Variants in P2RX6 observed in about 807,000 individuals in gnomAD.
The protein encoded by P2RX6 is P2X purinoceptor 6.
Under a neutral mutation model 54.2 loss-of-function variants are expected in P2RX6, and 62 were observed. That is an observed-to-expected ratio of 1.14 (90% CI 0.93 to 1.41). The LOEUF (loss-of-function observed/expected upper bound fraction) is 1.41, where lower values mean the gene tolerates loss of function less well. Ranked by LOEUF, P2RX6 falls within the 40% of genes most tolerant of loss-of-function variation. P2RX6 has a pLI of 0.00. For missense variants in P2RX6, 541 were observed against 566.3 expected (o/e 0.96, Z 0.45); for synonymous variants, 211 against 231.9 (o/e 0.91, Z 0.82).
In P2RX6 at chr22:21,017,862, T is replaced by G. The variant is rs1406819385; in HGVS notation, c.316-127T>G. ...CCTCCCATCTCTGCTTCAGTCTGCC[T>G]TACAGGGGGACAGGGTTAATGACTT... On this transcript the variant is annotated intron_variant, in intron 2 of 11. Transcript: ENST00000413302. 1.5e-5 allele frequency: 11 copies of G among 717,968 alleles called. No homozygotes were observed. In the Admixed American group the frequency reaches 2.0e-4, roughly 13 times the overall value. 44.5% of individuals were successfully genotyped at this position (717,968 alleles called of 1,614,324 possible).
rs996931904 is a variant in P2RX6, at chr22:21,026,028, C to T, written c.1002C>T (p.Leu334=). Residue 334 remains leucine, a synonymous_variant, in exon 10 of 12, where the codon CTC becomes CTT. Transcript: ENST00000413302. This position sits in a 1 kb window ranked among gnomAD's most constrained non-coding sequence, Gnocchi z 4.0. The stretch of plus-strand genomic sequence containing the variant: ...TCTCTCAGGCAGGGAAGTTCGGGCT[C>T]ATCCCCACGGCCGTCACACTGGGCA... ...LVTGQAGKFG[L]IPTAVTLGTG... 1.1e-5 allele frequency: 18 copies of T among 1,611,612 alleles called. No individual in the cohort carries two copies. Among genetic ancestry groups the T allele is most frequent in the Non-Finnish European group, 1.4e-5 (16 of 1,179,154 alleles).
At chr22:21,022,783 A>G in intron 4 of P2RX6, 32 bp downstream of exon 4, 2 of 1,537,656 alleles carry the variant, frequency 1.3e-6, no homozygotes, top group Admixed American at 2.0e-5. Context: ...CAGTGCCCCC[A>G]GCAGGGTGGG....
At position 21,026,748 on chromosome 22, in the gene P2RX6, CCT is replaced by C. The variant is rs1928536452; in HGVS notation, c.*132_*133del. 25 of 1,445,498 alleles carry C rather than the reference CCT, an allele frequency of 1.7e-5. No homozygotes were observed. Among genetic ancestry groups the C allele is most frequent in the Middle Eastern group, 2.6e-4 (1 of 3,916 alleles). 89.5% of individuals were successfully genotyped at this position (1,445,498 alleles called of 1,614,324 possible). A position where few individuals can be genotyped will look rare whatever the true frequency, so the allele number is the denominator to read the frequency against. ...TTGAACCCCAGCAGACAGTCCCTCCCCTGACTCCCACCTTGGTAGGGTGCTGC... is the reference window on the plus strand; with the variant it reads ...TTGAACCCCAGCAGACAGTCCCTCCCGACTCCCACCTTGGTAGGGTGCTGC... On this transcript the variant is annotated 3_prime_UTR_variant, in exon 12 of 12. Transcript: ENST00000413302. The surrounding 1 kb of genome is among the most constrained non-coding windows in gnomAD (Gnocchi z 4.0).
chr22:21,026,473 A>C lies in P2RX6; in HGVS notation c.1182A>C (p.Ala394=), dbSNP rs1928483594. Residue 394 remains alanine (A), a synonymous_variant, in exon 12 of 12, where the codon GCA becomes GCC. Transcript: ENST00000413302. This position sits in a 1 kb window ranked among gnomAD's most constrained non-coding sequence, Gnocchi z 4.0. The part of the protein sequence containing the change: ...ANSVWRELAL[A]SQARLAECLR... The stretch of plus-strand genomic sequence containing the variant: ...CTGTGTGGAGGGAGCTGGCCCTTGC[A>C]TCCCAAGCCCGACTGGCCGAGTGCC... The C allele has an allele frequency of 6.2e-7, 1 of 1,602,482 alleles. No homozygotes were observed. The highest frequency in any genetic ancestry group is 1.3e-5 in the African/African-American group (1 of 74,614).
At chr22:21,022,801 C>G (rs765095256) in intron 4 of P2RX6, 50 bp downstream of exon 4, 107 of 1,497,594 alleles carry the variant, frequency 7.1e-5, no homozygotes, top group Non-Finnish European at 9.7e-5. Flanking sequence ...GGGGGCCGGG[C>G]TGGGATCCTG....
rs140390791 is a variant in P2RX6, at chr22:21,015,955, G to A, written c.178G>A (p.Ala60Thr). The change falls in exon 2 of 12, where the codon GCC becomes ACC. Residue 60 changes from alanine (A) to threonine (T), a missense_variant. By Grantham distance (58) the Ala-to-Thr change is moderately conservative. This residue lies in a region of P2RX6 where 526 missense variants were observed against 531.5 expected (regional missense o/e 0.99). Transcript: ENST00000413302. ...TCTCCTCCCCAGGTGGGCTCTCCTCGCCAAAAAAGGCTACCAGGAGCGGGA... is the reference window on the plus strand; with the variant it reads ...TCTCCTCCCCAGGTGGGCTCTCCTCACCAAAAAAGGCTACCAGGAGCGGGA... ...VVYVVGWALL[A>T]KKGYQERDLE... 393 of 1,549,640 alleles carry A rather than the reference G, an allele frequency of 2.5e-4. 1 individual carries two copies. The African/African-American group carries it at 4.4e-3, about 17-fold the overall frequency.
intron 3 of P2RX6, among the ~76,000 whole-genome samples, chr22:21,020,641 A>G (rs1397536745): frequency 2.9e-5 from 4 of 137,284 alleles, no homozygotes; most frequent in African/African-American, 8.5e-5. Flanking sequence ...CCCAGGCTGG[A>G]GTGCAGTGGC....
intron 8 of P2RX6, 61 bp from the exon 9 acceptor site, chr22:21,025,743 AG>A (rs1212845594): frequency 7.8e-7 from 1 of 1,285,392 alleles, no homozygotes; most frequent in Non-Finnish European, 1.1e-6. Context: ...GAGGTCTGGC[AG>A]GGCCAGCCCC....
chr22:21,020,067 A>C (rs1601759381), intron 3 of P2RX6, among the ~76,000 whole-genome samples: 1 of 152,262 alleles, frequency 6.6e-6, no homozygotes, highest in East Asian at 1.9e-4. Flanking sequence ...TCTTCCCAAC[A>C]TGAGCCACTG....
At chr22:21,023,785 A>G (rs1927915428) in intron 8 of P2RX6, among the ~76,000 whole-genome samples, 167 bp downstream of exon 8, 2 of 152,070 alleles carry the variant, frequency 1.3e-5, no homozygotes, top group Admixed American at 1.3e-4. Flanking sequence ...CCTCCAGCAC[A>G]GGCTCCGTCC....
intron 3 of P2RX6, chr22:21,018,427 T>C (rs1043900739): frequency 2.7e-5 from 9 of 337,650 alleles, no homozygotes; most frequent in Non-Finnish European, 5.2e-5. Context: ...AGGTTGGTAG[T>C]GTGACACCCA....
chr22:21,012,580 C>T (rs1012461050), upstream of P2RX6: 88 of 614,976 alleles, frequency 1.4e-4, no homozygotes, highest in Middle Eastern at 2.6e-4. Flanking sequence ...TGTACCTGCC[C>T]CATAGAGCCC....
At chr22:21,017,124 C>G (rs946800308) in intron 2 of P2RX6, among the ~76,000 whole-genome samples, 1 of 152,112 alleles carries the variant, frequency 6.6e-6, no homozygotes, top group Non-Finnish European at 1.5e-5. Flanking sequence ...CTCGCCTCCT[C>G]CCTTACTGCT....
At position 21,026,856 on chromosome 22, in the gene P2RX6, A is replaced by AC. The variant is rs1371333551; in HGVS notation, c.*241dup. ...TGGAGACTGGGAGAGCCCAGCAGGC[A>AC]CCTGTATTGCAGGGCTCCGACTGCA... is the stretch of plus-strand genomic sequence containing the variant. On this transcript the variant is annotated 3_prime_UTR_variant, in exon 12 of 12. Coordinates refer to ENST00000413302, the MANE Select transcript of P2RX6 (RefSeq NM_005446.5). This position sits in a 1 kb window ranked among gnomAD's most constrained non-coding sequence, Gnocchi z 4.0. 1.3e-6 allele frequency: 1 copy of AC among 777,934 alleles called. No homozygotes were observed. The highest frequency in any genetic ancestry group is 2.0e-6 in the Non-Finnish European group (1 of 506,696). 48.2% of individuals were successfully genotyped at this position (777,934 alleles called of 1,614,324 possible).
chr22:21,026,849 A>G lies in P2RX6; in HGVS notation c.*232A>G. On this transcript the variant is annotated 3_prime_UTR_variant, in exon 12 of 12. Transcript: ENST00000413302. This position sits in a 1 kb window ranked among gnomAD's most constrained non-coding sequence, Gnocchi z 4.0. ...TGACCCGTGGAGACTGGGAGAGCCC[A>G]GCAGGCACCTGTATTGCAGGGCTCC... 1 of 821,216 alleles carries G rather than the reference A, an allele frequency of 1.2e-6. No homozygotes were observed. The highest frequency in any genetic ancestry group is 1.9e-5 in the South Asian group (1 of 53,072). 50.9% of individuals were successfully genotyped at this position (821,216 alleles called of 1,614,324 possible).
At chr22:21,020,600 T>C (rs1277559363) in intron 3 of P2RX6, among the ~76,000 whole-genome samples, 3 of 145,702 alleles carry the variant, frequency 2.1e-5, no homozygotes, top group African/African-American at 5.0e-5. Context: ...TTTTCTTTTT[T>C]TTTTTTTTGA....
Position 21,026,615 on chromosome 22 carries a change from T to TAGCC in P2RX6, c.1325_*2dup. ...CTTGCCAACCCATTCCGGGAGCCTGTAGCCGTTCCCTGCTGGTTGAGAGTT... is the reference window on the plus strand; with the variant it reads ...CTTGCCAACCCATTCCGGGAGCCTGTAGCCAGCCGTTCCCTGCTGGTTGAGAGTT... On this transcript the variant is annotated frameshift_variant and stop_retained_variant, in exon 12 of 12. Transcript: ENST00000413302. LOFTEE classifies it high-confidence loss of function. The surrounding 1 kb of genome is among the most constrained non-coding windows in gnomAD (Gnocchi z 4.0). 1 of 1,579,412 alleles carries TAGCC rather than the reference T, an allele frequency of 6.3e-7. No homozygotes were observed. Among genetic ancestry groups the TAGCC allele is most frequent in the Non-Finnish European group, 8.6e-7 (1 of 1,163,586 alleles).
At chr22:21,014,546 C>G (rs1569166980), upstream of P2RX6, among the ~76,000 whole-genome samples, 2 of 152,192 alleles carry the variant, frequency 1.3e-5, no homozygotes, top group Non-Finnish European at 1.5e-5. Context: ...GTTCCAGCAT[C>G]GCCCCCCTTT....
chr22:21,018,086 C>A (rs371538131), intron 3 of P2RX6, 26 bp downstream of exon 3: 6 of 1,539,620 alleles, frequency 3.9e-6, no homozygotes, highest in Non-Finnish European at 5.4e-6. Flanking sequence ...ATCCTCCCAG[C>A]GGGTCCCTTG....
Sources: gnomAD v4.1 joint callset for allele counts (sites outside exome capture counted in the v4.1 genomes callset) on GRCh38, gnomAD v4.1.1 for gene constraint, gnomAD v4.1.1 regional missense constraint, Gnocchi (gnomAD v3.1) non-coding constraint, MANE v1.5 for transcripts, NCBI Gene and HGNC (gene_info 2026-07-23, HGNC 2026-07-21) for gene names.